PPP3CA: variants seen among roughly 807,000 people sequenced by gnomAD.
The protein encoded by PPP3CA is CAM-PRP catalytic subunit.
Under a neutral mutation model 66.5 loss-of-function variants are expected in PPP3CA, and 14 were observed. The ratio of observed to expected loss-of-function variants is 0.21; its 90% CI spans 0.14 to 0.33. The LOEUF is 0.33. Ranked by LOEUF, PPP3CA falls within the 10% of genes least tolerant of loss-of-function variation. The pLI is 1.00. For missense variants in PPP3CA, 317 were observed against 639.5 expected, an observed-to-expected ratio of 0.50 and a Z score of 5.44; for synonymous variants, 232 against 226.2, an observed-to-expected ratio of 1.03 and a Z score of -0.23.
chr4:101,080,064 A>G (rs111807191), intron 8 of PPP3CA, among the ~76,000 whole-genome samples: 1 of 152,238 alleles, frequency 6.6e-6, no homozygotes, highest in African/African-American at 2.4e-5. Context: ...AGAAATAAAC[A>G]TGTACTTGCC....
intron 1 of PPP3CA, among the ~76,000 whole-genome samples, chr4:101,238,728 T>C (rs1726206380): frequency 6.6e-6 from 1 of 152,066 alleles, no homozygotes. Flanking sequence ...TTAATCGTTT[T>C]GGTGGGAAGC....
intron 2 of PPP3CA, among the ~76,000 whole-genome samples, chr4:101,129,822 A>T (rs371163806): frequency 2.0e-5 from 3 of 152,118 alleles, no homozygotes; most frequent in Admixed American, 6.5e-5. Flanking sequence ...AAATTCCAAA[A>T]ACCAGAATGC....
At chr4:101,158,442 C>G (rs573703249) in intron 2 of PPP3CA, 1 of 152,222 alleles carries the variant, frequency 6.6e-6, no homozygotes, top group Non-Finnish European at 1.5e-5. Flanking sequence ...AAGGGAGCAA[C>G]TGTTTTTCCT....
At position 101,338,108 on chromosome 4, in the gene PPP3CA, T is replaced by C. The variant is rs141234898; in HGVS notation, c.58+8631A>G. Among the ~76,000 whole-genome samples, 284 of 152,328 alleles carry C rather than the reference T, an allele frequency of 1.9e-3. 7 individuals carry two copies. The South Asian group carries it at 0.033, about 18-fold the overall frequency. The stretch of plus-strand genomic sequence containing the variant: ...TCAAATGGCTCTCCCCTCAATTTAG[T>C]ATCATCACCTGTCTTCCTGAGAAAG... On this transcript the variant is annotated intron_variant, in intron 1 of 13. Coordinates refer to ENST00000394854, the MANE Select transcript of PPP3CA (RefSeq NM_000944.5).
intron 1 of PPP3CA, among the ~76,000 whole-genome samples, chr4:101,237,200 C>T (rs916982681): frequency 6.8e-5 from 7 of 103,078 alleles, no homozygotes; most frequent in Non-Finnish European, 1.4e-4. Flanking sequence ...TCTCCTGCAA[C>T]GTCAAAGTTC....
chr4:101,110,423 T>C (rs1009669099), intron 2 of PPP3CA, among the ~76,000 whole-genome samples: 2 of 152,214 alleles, frequency 1.3e-5, no homozygotes, highest in African/African-American at 4.8e-5. Context: ...AATTAGCTAC[T>C]AAGAACCCAC....
intron 1 of PPP3CA, among the ~76,000 whole-genome samples, chr4:101,221,121 G>C (rs1310943706): frequency 6.6e-6 from 1 of 151,572 alleles, no homozygotes; most frequent in Non-Finnish European, 1.5e-5. Flanking sequence ...TGCTTCCATA[G>C]ATTCTAAGTT....
chr4:101,189,229 G>A (rs568734072), intron 2 of PPP3CA, among the ~76,000 whole-genome samples: 50 of 152,080 alleles, frequency 3.3e-4, no homozygotes, highest in African/African-American at 1.2e-3. Flanking sequence ...AGAGGTTTTC[G>A]TATATTTCCA....
At chr4:101,331,720 A>G (rs1729393203) in intron 1 of PPP3CA, among the ~76,000 whole-genome samples, 1 of 152,256 alleles carries the variant, frequency 6.6e-6, no homozygotes, top group South Asian at 2.1e-4. Flanking sequence ...CCAAACACAG[A>G]TAAACAATCA....
intron 13 of PPP3CA, among the ~76,000 whole-genome samples, chr4:101,028,174 A>G (rs1329475732): frequency 2.0e-5 from 3 of 152,218 alleles, no homozygotes; most frequent in Non-Finnish European, 4.4e-5. Flanking sequence ...TATGCACATA[A>G]TTTTGAGAAA....
chr4:101,295,628 T>C (rs1267846660), intron 1 of PPP3CA, among the ~76,000 whole-genome samples: 1 of 152,222 alleles, frequency 6.6e-6, no homozygotes, highest in Non-Finnish European at 1.5e-5. Context: ...AATTCTTTGG[T>C]ATTATTACTT....
At chr4:101,100,034 A>T (rs1403857927) in intron 3 of PPP3CA, among the ~76,000 whole-genome samples, 5 of 152,160 alleles carry the variant, frequency 3.3e-5, no homozygotes, top group Admixed American at 3.3e-4. Flanking sequence ...TTAAAAAAAA[A>T]TGGAAGGGAA....
chr4:101,076,724 T>A (rs192641529), intron 8 of PPP3CA, among the ~76,000 whole-genome samples: 1 of 152,206 alleles, frequency 6.6e-6, no homozygotes, highest in East Asian at 1.9e-4. Context: ...TTCAGGCATA[T>A]AGTGAAATTA....
At chr4:101,328,726 T>C (rs1729280246) in intron 1 of PPP3CA, among the ~76,000 whole-genome samples, 1 of 152,208 alleles carries the variant, frequency 6.6e-6, no homozygotes, top group Non-Finnish European at 1.5e-5. Flanking sequence ...TCTTGTGACA[T>C]TTTGGTAATT....
At chr4:101,212,804 T>A (rs773603572) in intron 1 of PPP3CA, among the ~76,000 whole-genome samples, 24 of 152,094 alleles carry the variant, frequency 1.6e-4, no homozygotes, top group Non-Finnish European at 2.4e-4. Flanking sequence ...TACGGCAGTA[T>A]TTCCCAACTA....
Position 101,346,919 on chromosome 4 carries a change from G to A in PPP3CA, c.-123C>T, listed in dbSNP as rs1023678618. ...GCCGCCGCCGCGCTGCAAACCGCTC[G>A]GCTGGAGGTCTAGGCTCTGAGCTGG... On this transcript the variant is annotated 5_prime_UTR_variant, in exon 1 of 14. Transcript: ENST00000394854. The A allele has an allele frequency of 2.7e-6, 3 of 1,126,198 alleles. No homozygotes were observed. Among genetic ancestry groups the A allele is most frequent in the African/African-American group, 3.3e-5 (2 of 59,888 alleles). 69.8% of individuals were successfully genotyped at this position (1,126,198 alleles called of 1,614,324 possible).
At position 101,347,303 on chromosome 4, in the gene PPP3CA, C is replaced by T; in HGVS notation, c.-507G>A. 4.9e-6 allele frequency: 1 copy of T among 204,024 alleles called. No homozygotes were observed. The highest frequency in any genetic ancestry group is 9.6e-6 in the Non-Finnish European group (1 of 104,220). 12.6% of individuals were successfully genotyped at this position (204,024 alleles called of 1,614,324 possible). A position where few individuals can be genotyped will look rare whatever the true frequency, so the allele number is the denominator to read the frequency against. On this transcript the variant is annotated 5_prime_UTR_variant, in exon 1 of 14. Coordinates refer to ENST00000394854, the MANE Select transcript of PPP3CA (RefSeq NM_000944.5). ...ACCAGCCGCACCTTGGCGTCCCCGG[C>T]GGCGGAGAGGCGGCCGCCGCTGCTG... is the stretch of plus-strand genomic sequence containing the variant.
At chr4:101,314,569 C>CAAAAAAAAAAAAAA (rs748980814) in intron 1 of PPP3CA, among the ~76,000 whole-genome samples, 1 of 75,250 alleles carries the variant, frequency 1.3e-5, no homozygotes, top group Non-Finnish European at 2.5e-5. Flanking sequence ...ATCTCAAAAC[C>CAAAAAAAAAAAAAA]AAAAAAAAAA....
chr4:101,085,573 T>C (rs1729628539), intron 6 of PPP3CA, among the ~76,000 whole-genome samples: 2 of 152,160 alleles, frequency 1.3e-5, no homozygotes, highest in African/African-American at 2.4e-5. Flanking sequence ...GGAATTCATT[T>C]TGAAGAAAAA....
Sources: allele counts gnomAD v4.1 joint callset (sites outside exome capture counted in the v4.1 genomes callset), GRCh38; gene constraint gnomAD v4.1.1; transcripts MANE v1.5; gene names NCBI Gene and HGNC (gene_info 2026-07-23, HGNC 2026-07-21).